Variants in XRCC4 observed in about 807,000 individuals in gnomAD.
XRCC4 encodes X-ray repair cross complementing 4.
In XRCC4, 28 loss-of-function variants were observed where a neutral mutation model predicts 39.1. The observed-to-expected ratio is 0.72, with a 90% CI of 0.53 to 0.98. XRCC4 has a LOEUF of 0.98. Among genes scored for constraint, XRCC4 ranks in the 50% least tolerant of loss-of-function variants. The pLI, the probability that XRCC4 is intolerant of heterozygous loss-of-function variation, is 0.00. For missense variants in XRCC4, 350 were observed against 376.4 expected (o/e 0.93, Z 0.58); for synonymous variants, 123 against 126.4 (o/e 0.97, Z 0.18).
intron 7 of XRCC4, among the ~76,000 whole-genome samples, chr5:83,322,480 TA>T: frequency 6.6e-6 from 1 of 152,154 alleles, no homozygotes; most frequent in East Asian, 1.9e-4. Context: ...ATAGGCTGAA[TA>T]ACCACTCCCT....
At chr5:83,126,027 TC>T (rs1747246756) in intron 3 of XRCC4, among the ~76,000 whole-genome samples, 1 of 150,830 alleles carries the variant, frequency 6.6e-6, no homozygotes, top group African/African-American at 2.4e-5. Context: ...ACGTGAATCT[TC>T]CAACTTTATT....
At chr5:83,151,145 A>G (rs1029938099) in intron 3 of XRCC4, among the ~76,000 whole-genome samples, 3 of 152,140 alleles carry the variant, frequency 2.0e-5, no homozygotes, top group Admixed American at 6.5e-5. Flanking sequence ...GAAATAGAAT[A>G]ATTAGTTGTA....
intron 7 of XRCC4, among the ~76,000 whole-genome samples, chr5:83,328,151 C>T (rs762067647): frequency 8.6e-5 from 13 of 151,934 alleles, no homozygotes; most frequent in Non-Finnish European, 1.6e-4. Context: ...GAAGCAAAAG[C>T]GGAAACCCCT....
At chr5:83,238,312 A>C (rs1381728768) in intron 6 of XRCC4, among the ~76,000 whole-genome samples, 1 of 152,234 alleles carries the variant, frequency 6.6e-6, no homozygotes, top group East Asian at 1.9e-4. Context: ...TACTAGTGGC[A>C]GTCCTCAGAA....
At chr5:83,117,838 C>T (rs1402665690) in intron 3 of XRCC4, among the ~76,000 whole-genome samples, 2 of 151,906 alleles carry the variant, frequency 1.3e-5, no homozygotes, top group Non-Finnish European at 2.9e-5. Flanking sequence ...CTTATGAAGC[C>T]ATCACTTAGG....
At chr5:83,241,791 T>C (rs1171178969) in intron 6 of XRCC4, among the ~76,000 whole-genome samples, 1 of 152,194 alleles carries the variant, frequency 6.6e-6, no homozygotes, top group African/African-American at 2.4e-5. Flanking sequence ...TATACTATTA[T>C]ATATTCTTAC....
intron 7 of XRCC4, among the ~76,000 whole-genome samples, chr5:83,314,168 CAT>C (rs1368880171): frequency 3.3e-5 from 5 of 151,962 alleles, no homozygotes; most frequent in African/African-American, 1.2e-4. Context: ...AAAGTAATAA[CAT>C]GTGGTAGGCA....
the XRCC4 span, among the ~76,000 whole-genome samples, chr5:83,370,786 TTCTC>T: frequency 2.0e-5 from 3 of 152,118 alleles, no homozygotes; most frequent in Admixed American, 2.0e-4. Flanking sequence ...TAATAGCGAA[TTCTC>T]TCTATTCCCA....
At chr5:83,311,027 C>T (rs1311929052) in intron 7 of XRCC4, 13 of 276,462 alleles carry the variant, frequency 4.7e-5, no homozygotes, top group South Asian at 4.4e-4. Context: ...GACTTGTGGC[C>T]TCCAGAATTT....
At chr5:83,156,435 A>G (rs188117945) in intron 3 of XRCC4, among the ~76,000 whole-genome samples, 50 of 152,198 alleles carry the variant, frequency 3.3e-4, no homozygotes, top group African/African-American at 1.1e-3. Flanking sequence ...AGGGGGAGAG[A>G]GAAAGTCAAA....
At chr5:83,309,295 A>AG (rs1755611578) in intron 7 of XRCC4, among the ~76,000 whole-genome samples, 143 of 117,060 alleles carry the variant, frequency 1.2e-3, no homozygotes, top group Non-Finnish European at 2.0e-3. Context: ...AAAAAAAAAA[A>AG]AATATATATA....
At chr5:83,167,897 AAGG>A (rs779013933) in intron 3 of XRCC4, among the ~76,000 whole-genome samples, 11 of 152,202 alleles carry the variant, frequency 7.2e-5, no homozygotes, top group Non-Finnish European at 1.5e-4. Context: ...CCACAAGACA[AAGG>A]AGATTTATTA....
intron 6 of XRCC4, among the ~76,000 whole-genome samples, chr5:83,251,457 G>C (rs1753309031): frequency 6.7e-6 from 1 of 149,558 alleles, no homozygotes; most frequent in Non-Finnish European, 1.5e-5. Flanking sequence ...CCGGGAGGTG[G>C]AGGTTGCAGT....
At chr5:83,309,210 C>T (rs1207096826) in intron 7 of XRCC4, among the ~76,000 whole-genome samples, 2 of 127,442 alleles carry the variant, frequency 1.6e-5, no homozygotes, top group South Asian at 2.6e-4. Context: ...ACCCGGGAGG[C>T]GAGCCAAGAT....
At chr5:83,192,315 A>T (rs1228542318) in intron 3 of XRCC4, among the ~76,000 whole-genome samples, 1 of 108,934 alleles carries the variant, frequency 9.2e-6, no homozygotes, top group Non-Finnish European at 1.9e-5. Context: ...TAATATATAT[A>T]TATATTTTTT....
chr5:83,249,425 C>A (rs1405474662), intron 6 of XRCC4, among the ~76,000 whole-genome samples: 1 of 152,054 alleles, frequency 6.6e-6, no homozygotes, highest in Non-Finnish European at 1.5e-5. Flanking sequence ...AGGAATGCCT[C>A]CGAAATTTAG....
At chr5:83,271,262 T>A (rs954607591) in intron 7 of XRCC4, among the ~76,000 whole-genome samples, 1 of 152,172 alleles carries the variant, frequency 6.6e-6, no homozygotes, top group Non-Finnish European at 1.5e-5. Context: ...ATCCAGCAAC[T>A]CATTCATTCT....
intron 6 of XRCC4, among the ~76,000 whole-genome samples, chr5:83,250,015 G>A (rs1428449548): frequency 6.6e-6 from 1 of 152,050 alleles, no homozygotes; most frequent in Non-Finnish European, 1.5e-5. Context: ...AAAATAAAAA[G>A]CAATGAAAAT....
intron 7 of XRCC4, among the ~76,000 whole-genome samples, chr5:83,306,623 T>C (rs886282872): frequency 1.4e-4 from 22 of 152,242 alleles, no homozygotes; most frequent in African/African-American, 5.1e-4. Context: ...CATTGTTGTT[T>C]GATAATTTGC....
Sources: allele counts gnomAD v4.1 joint callset (sites outside exome capture counted in the v4.1 genomes callset), GRCh38; gene constraint gnomAD v4.1.1; transcripts MANE v1.5; gene names NCBI Gene and HGNC (gene_info 2026-07-23, HGNC 2026-07-21).